EYS: variants seen among roughly 807,000 people sequenced by gnomAD.
EYS encodes the protein EGF-like photoreceptor maintenance factor, also known as protein eyes shut homolog.
A neutral mutation model predicts 282.1 loss-of-function variants in EYS; 250 were observed. The observed-to-expected ratio is 0.89, with a 90% CI of 0.80 to 0.98. EYS has a LOEUF of 0.98. Among genes scored for constraint, EYS ranks in the 50% least tolerant of loss-of-function variants. EYS has a pLI of 0.00. For synonymous variants in EYS, 1,355 were observed against 1,282.9 expected, an observed-to-expected ratio of 1.06 and a Z score of -1.20; for missense variants, 4,016 against 3,709.0, an observed-to-expected ratio of 1.08 and a Z score of -2.15.
intron 22 of EYS, among the ~76,000 whole-genome samples, chr6:64,641,072 G>A (rs1019990809): frequency 6.6e-6 from 1 of 152,092 alleles, no homozygotes; most frequent in African/African-American, 2.4e-5. Flanking sequence ...AGAACTACTT[G>A]GTATTAGTCC....
intron 19 of EYS, among the ~76,000 whole-genome samples, chr6:64,854,174 T>G (rs1765974921): frequency 6.6e-6 from 1 of 152,164 alleles, no homozygotes; most frequent in Admixed American, 6.5e-5. Context: ...AGTTCAACCA[T>G]TGTGGAAGTC....
At chr6:64,830,325 G>A (rs1044073396) in intron 19 of EYS, among the ~76,000 whole-genome samples, 10 of 151,914 alleles carry the variant, frequency 6.6e-5, no homozygotes, top group African/African-American at 2.4e-4. Context: ...AAGCTCAAAT[G>A]GACTAAGATA....
intron 12 of EYS, among the ~76,000 whole-genome samples, chr6:65,263,716 T>C (rs1434961359): frequency 6.6e-6 from 1 of 151,308 alleles, no homozygotes; most frequent in Non-Finnish European, 1.5e-5. Context: ...TGTGTGTGTG[T>C]GTGTGTGTGT....
chr6:63,905,051 C>T (rs945346941), intron 35 of EYS, among the ~76,000 whole-genome samples: 7 of 152,166 alleles, frequency 4.6e-5, no homozygotes, highest in African/African-American at 1.7e-4. Context: ...AGCAGTCACT[C>T]GTCATTTCCT....
intron 12 of EYS, among the ~76,000 whole-genome samples, chr6:65,226,694 C>G (rs1164765660): frequency 6.6e-6 from 1 of 152,052 alleles, no homozygotes; most frequent in South Asian, 2.1e-4. Context: ...ATAGCGAGAC[C>G]GCTGTGGAAA....
At chr6:65,555,673 G>A (rs1295075883) in intron 2 of EYS, among the ~76,000 whole-genome samples, 4 of 152,010 alleles carry the variant, frequency 2.6e-5, no homozygotes, top group Admixed American at 2.6e-4. Context: ...GCCGAATTTT[G>A]TTGGCAAATT....
intron 12 of EYS, among the ~76,000 whole-genome samples, chr6:65,266,940 AT>A (rs1209891737): frequency 3.8e-5 from 2 of 52,126 alleles, no homozygotes; most frequent in Non-Finnish European, 7.9e-5. Context: ...ACAAACATTG[AT>A]ATATATATAT....
intron 28 of EYS, among the ~76,000 whole-genome samples, chr6:64,394,300 C>T (rs1280619976): frequency 6.6e-6 from 1 of 152,024 alleles, no homozygotes; most frequent in Non-Finnish European, 1.5e-5. Context: ...TCATATGGAA[C>T]CAAAAAAGAG....
At chr6:64,185,164 A>G (rs183006794) in intron 31 of EYS, among the ~76,000 whole-genome samples, 16 of 151,076 alleles carry the variant, frequency 1.1e-4, no homozygotes, top group East Asian at 2.0e-4. Context: ...GGGCTCCCCA[A>G]ATGTGAGAAA....
intron 8 of EYS, among the ~76,000 whole-genome samples, chr6:65,367,616 A>G (rs1435739228): frequency 6.6e-6 from 1 of 151,632 alleles, no homozygotes; most frequent in Non-Finnish European, 1.5e-5. Context: ...ATCACTTACA[A>G]AAGTTCCGCT....
In EYS at chr6:65,300,154, T is replaced by C. The variant is rs186452180; in HGVS notation, c.1767-4035A>G. On this transcript the variant is annotated intron_variant, in intron 11 of 42. Coordinates refer to ENST00000503581, the MANE Select transcript of EYS (RefSeq NM_001142800.2). ...CATGTCCCTCAATATGCAAAATACA[T>C]TGGATATTCTCTCAGCCTCAGTCTT... Among the ~76,000 whole-genome samples, 42 of 152,252 alleles carry C rather than the reference T, an allele frequency of 2.8e-4. 2 individuals are homozygous for C. The highest frequency in any genetic ancestry group is 6.7e-4 in the African/African-American group (28 of 41,550).
At chr6:64,457,824 C>T (rs1775604270) in intron 26 of EYS, among the ~76,000 whole-genome samples, 1 of 151,730 alleles carries the variant, frequency 6.6e-6, no homozygotes, top group Non-Finnish European at 1.5e-5. Context: ...ATGTTTTTGA[C>T]TGGAGAATTT....
intron 1 of EYS, among the ~76,000 whole-genome samples, chr6:65,664,706 T>C (rs921887179): frequency 6.6e-6 from 1 of 152,148 alleles, no homozygotes; most frequent in African/African-American, 2.4e-5. Context: ...TTTAATATGC[T>C]CACAAATAAA....
chr6:64,354,571 T>G (rs1318770167), intron 29 of EYS, among the ~76,000 whole-genome samples: 1 of 151,548 alleles, frequency 6.6e-6, no homozygotes, highest in Non-Finnish European at 1.5e-5. Flanking sequence ...AGCCATGATT[T>G]TCTCATTTTC....
At chr6:65,256,362 G>C (rs1008601097) in intron 12 of EYS, among the ~76,000 whole-genome samples, 6 of 137,656 alleles carry the variant, frequency 4.4e-5, no homozygotes, top group Non-Finnish European at 9.2e-5. Flanking sequence ...CTGGTGTGCT[G>C]CACCCACTAA....
chr6:65,012,002 T>C (rs1771889271), intron 13 of EYS, among the ~76,000 whole-genome samples: 1 of 152,190 alleles, frequency 6.6e-6, no homozygotes. Flanking sequence ...AATTTGATGC[T>C]CCCTATATTT....
At chr6:64,288,072 A>G (rs1768561099) in intron 30 of EYS, among the ~76,000 whole-genome samples, 1 of 152,166 alleles carries the variant, frequency 6.6e-6, no homozygotes, top group African/African-American at 2.4e-5. Context: ...GTTTGGGAAC[A>G]CAGTAAATCA....
chr6:65,585,790 T>C (rs1238494164), intron 2 of EYS, among the ~76,000 whole-genome samples: 1 of 151,842 alleles, frequency 6.6e-6, no homozygotes, highest in Non-Finnish European at 1.5e-5. Flanking sequence ...GTAAACTATA[T>C]GAGAGTCTTA....
intron 2 of EYS, among the ~76,000 whole-genome samples, chr6:65,557,698 G>A (rs996680385): frequency 6.6e-5 from 10 of 152,162 alleles, no homozygotes; most frequent in Admixed American, 1.3e-4. Context: ...TTTCACTCCC[G>A]AGGTTTGGTG....
Sources: allele counts gnomAD v4.1 joint callset (sites outside exome capture counted in the v4.1 genomes callset), GRCh38; gene constraint gnomAD v4.1.1; transcripts MANE v1.5; gene names NCBI Gene and HGNC (gene_info 2026-07-23, HGNC 2026-07-21).